The following BICD1 variants were observed in gnomAD, a reference collection of about 807,000 sequenced individuals.
The protein encoded by BICD1 is protein bicaudal D homolog 1.
Under a neutral mutation model 92.5 loss-of-function variants are expected in BICD1, and 35 were observed. The observed-to-expected ratio is 0.38, with a 90% CI of 0.29 to 0.50. The LOEUF (loss-of-function observed/expected upper bound fraction) is 0.50. BICD1 is among the 20% of genes least tolerant of loss of function. BICD1 has a pLI of 0.93. For synonymous variants in BICD1, 429 were observed against 465.1 expected (o/e 0.92, Z 1.00); for missense variants, 950 against 1,189.8 (o/e 0.80, Z 2.97).
intron 1 of BICD1, among the ~76,000 whole-genome samples, chr12:32,118,091 A>ATTTTATTTTATTTTATTTT (rs1555126592): frequency 1.1e-4 from 5 of 46,820 alleles, no homozygotes; most frequent in Admixed American, 3.2e-4. Flanking sequence ...TATTTTATTT[A>ATTTTATTTTATTTTATTTT]TTTTTTTTGA....
intron 2 of BICD1, among the ~76,000 whole-genome samples, chr12:32,266,747 A>G (rs1947006941): frequency 6.6e-6 from 1 of 151,754 alleles, no homozygotes; most frequent in South Asian, 2.1e-4. Context: ...AATCCCAGCT[A>G]CTCGGGAGGC....
Position 32,198,159 on chromosome 12 carries a change from C to G in BICD1, c.214-18088C>G. Among the ~76,000 whole-genome samples the G allele has an allele frequency of 2.0e-5, 3 of 151,448 alleles. No individual in the cohort carries two copies. The East Asian group carries it at 5.8e-4, about 29-fold the overall frequency. On this transcript the variant is annotated intron_variant, in intron 1 of 9. Coordinates refer to ENST00000652176, the MANE Select transcript of BICD1 (RefSeq NM_001714.4). ...GGCAGAGGTTGCGGTGAGCTGAGAT[C>G]GTGCCATTGTACTCCAGCCTGGGCA...
chr12:32,374,143 G>A (rs1939841022), intron 9 of BICD1, among the ~76,000 whole-genome samples: 1 of 151,650 alleles, frequency 6.6e-6, no homozygotes, highest in South Asian at 2.1e-4. Context: ...GAACCTGGGA[G>A]GCAGAGGTTG....
intron 4 of BICD1, among the ~76,000 whole-genome samples, chr12:32,314,411 A>G (rs887510455): frequency 6.6e-6 from 1 of 152,040 alleles, no homozygotes; most frequent in Admixed American, 6.5e-5. Flanking sequence ...GAGTGTTCCG[A>G]TTTCTCCACA....
chr12:32,339,548 G>A (rs541412827), intron 8 of BICD1: 1 of 985,336 alleles, frequency 1.0e-6, no homozygotes, highest in African/African-American at 1.7e-5. Context: ...TTACCAACAT[G>A]TTCACACTTA....
At chr12:32,255,864 A>G (rs1946703490) in intron 2 of BICD1, among the ~76,000 whole-genome samples, 1 of 152,230 alleles carries the variant, frequency 6.6e-6, no homozygotes, top group Admixed American at 6.5e-5. Flanking sequence ...AGACACAAAG[A>G]TCAGTAGTGC....
intron 2 of BICD1, chr12:32,227,998 G>A (rs1592514636): frequency 4.2e-6 from 1 of 239,736 alleles, no homozygotes; most frequent in East Asian, 1.1e-4. Context: ...GATCGGTAAG[G>A]GGTAAGGTAG....
At chr12:32,189,193 C>A (rs1034003944) in intron 1 of BICD1, among the ~76,000 whole-genome samples, 1 of 152,168 alleles carries the variant, frequency 6.6e-6, no homozygotes, top group African/African-American at 2.4e-5. Flanking sequence ...GCAGTTAGAA[C>A]TTAAGAAGAA....
At chr12:32,241,122 C>T (rs556223383) in intron 2 of BICD1, among the ~76,000 whole-genome samples, 13 of 152,206 alleles carry the variant, frequency 8.5e-5, no homozygotes, top group African/African-American at 2.2e-4. Flanking sequence ...CAAATGCTTT[C>T]GATGTGTACG....
intron 1 of BICD1, among the ~76,000 whole-genome samples, chr12:32,138,696 G>A (rs1474384446): frequency 6.6e-6 from 1 of 152,162 alleles, no homozygotes; most frequent in Admixed American, 6.5e-5. Flanking sequence ...TAAGTGTTTT[G>A]AGCATGTTTA....
intron 2 of BICD1, among the ~76,000 whole-genome samples, chr12:32,270,814 G>C (rs2136145968): frequency 6.6e-6 from 1 of 152,252 alleles, no homozygotes; most frequent in South Asian, 2.1e-4. Context: ...TTCAGGGCAG[G>C]CAAAAATACA....
intron 1 of BICD1, among the ~76,000 whole-genome samples, chr12:32,164,433 A>T (rs1372496354): frequency 6.6e-6 from 1 of 152,246 alleles, no homozygotes; most frequent in East Asian, 1.9e-4. Context: ...TCAAAAGTGA[A>T]AGACTAAAGA....
intron 2 of BICD1, among the ~76,000 whole-genome samples, chr12:32,265,317 TAG>T (rs1946961991): frequency 6.6e-6 from 1 of 151,878 alleles, no homozygotes; most frequent in Non-Finnish European, 1.5e-5. Context: ...TCATCATGGC[TAG>T]AAGCAGTTCC....
At chr12:32,323,227 T>C (rs1948700541) in intron 4 of BICD1, among the ~76,000 whole-genome samples, 1 of 152,220 alleles carries the variant, frequency 6.6e-6, no homozygotes, top group South Asian at 2.1e-4. Context: ...CAGCTAAGAT[T>C]TGTATTCAAA....
chr12:32,240,653 A>G (rs1946211012), intron 2 of BICD1, among the ~76,000 whole-genome samples: 1 of 152,218 alleles, frequency 6.6e-6, no homozygotes, highest in Non-Finnish European at 1.5e-5. Flanking sequence ...GTTACCATAT[A>G]AGGTAAGAGT....
chr12:32,136,230 T>C (rs911926211), intron 1 of BICD1, among the ~76,000 whole-genome samples: 21 of 152,224 alleles, frequency 1.4e-4, no homozygotes, highest in Non-Finnish European at 2.5e-4. Flanking sequence ...TTTTTTCTTT[T>C]TTGAAGGTAG....
rs150672215 is a variant in BICD1, at chr12:32,288,030, A to C, written c.427-5964A>C. 3.3e-5 allele frequency among the ~76,000 whole-genome samples: 5 copies of C among 152,274 alleles called. No homozygotes were observed. In the East Asian group the frequency reaches 9.7e-4, roughly 29 times the overall value. On this transcript the variant is annotated intron_variant, in intron 2 of 9. Coordinates refer to ENST00000652176, the MANE Select transcript of BICD1 (RefSeq NM_001714.4). Reference sequence around the variant, plus strand: ...CATAGTCACAGTGTTACAAGACAGCAAGAGCATGAGCCACAAAGCCCCGTG... The same window carrying C: ...CATAGTCACAGTGTTACAAGACAGCCAGAGCATGAGCCACAAAGCCCCGTG...
At chr12:32,356,890 C>G (rs1181177215) in intron 8 of BICD1, among the ~76,000 whole-genome samples, 1 of 152,160 alleles carries the variant, frequency 6.6e-6, no homozygotes, top group Non-Finnish European at 1.5e-5. Flanking sequence ...ACTAACACAA[C>G]TGACATTCCA....
At chr12:32,263,346 A>C (rs1436455623) in intron 2 of BICD1, among the ~76,000 whole-genome samples, 1 of 152,122 alleles carries the variant, frequency 6.6e-6, no homozygotes, top group Admixed American at 6.5e-5. Flanking sequence ...CAGGAGTTCA[A>C]GACCACTCTC....
Sources: allele counts gnomAD v4.1 joint callset (sites outside exome capture counted in the v4.1 genomes callset), GRCh38; gene constraint gnomAD v4.1.1; transcripts MANE v1.5; gene names NCBI Gene and HGNC (gene_info 2026-07-23, HGNC 2026-07-21).